The following RUNX1 variants were observed in gnomAD, a reference collection of about 807,000 sequenced individuals.
RUNX1 encodes the protein runt-related transcription factor 1.
Under a neutral mutation model 42.8 loss-of-function variants are expected in RUNX1, and 19 were observed. The ratio of observed to expected loss-of-function variants is 0.44; its 90% CI spans 0.31 to 0.65. The LOEUF is 0.65. RUNX1 is among the 30% of genes least tolerant of loss of function. The pLI, the probability that RUNX1 is intolerant of heterozygous loss-of-function variation, is 0.07. For missense variants in RUNX1, 528 were observed against 672.0 expected (o/e 0.79, Z 2.37); for synonymous variants, 271 against 289.4 (o/e 0.94, Z 0.64).
At chr21:34,898,131 C>T (rs1284063548) in intron 2 of RUNX1, among the ~76,000 whole-genome samples, 2 of 152,204 alleles carry the variant, frequency 1.3e-5, no homozygotes. Context: ...CACTATGCTA[C>T]AGCCCCATGG....
chr21:34,898,712 C>A (rs574885664), intron 2 of RUNX1, among the ~76,000 whole-genome samples: 1 of 152,278 alleles, frequency 6.6e-6, no homozygotes, highest in South Asian at 2.1e-4. Context: ...CTGTGTTTTA[C>A]TCACCTTTAA....
intron 2 of RUNX1, among the ~76,000 whole-genome samples, chr21:35,030,802 A>G (rs1013626810): frequency 1.3e-5 from 2 of 152,242 alleles, no homozygotes; most frequent in African/African-American, 2.4e-5. Flanking sequence ...CAGAAAGGGA[A>G]AGAATACTGG....
chr21:34,830,653 C>T (rs752254804), intron 7 of RUNX1, among the ~76,000 whole-genome samples: 5 of 152,136 alleles, frequency 3.3e-5, no homozygotes, highest in African/African-American at 4.8e-5. Context: ...TCTGGGTTTG[C>T]GTCCAAGTTC....
intron 2 of RUNX1, among the ~76,000 whole-genome samples, chr21:35,002,385 TA>T (rs1342139021): frequency 5.8e-4 from 8 of 13,880 alleles, no homozygotes; most frequent in African/African-American, 2.3e-3. Context: ...CAGCACATTT[TA>T]TTTATTTATT....
At chr21:34,878,357 A>T (rs1179701423) in intron 5 of RUNX1, among the ~76,000 whole-genome samples, 1 of 148,148 alleles carries the variant, frequency 6.8e-6, no homozygotes, top group Non-Finnish European at 1.5e-5. Context: ...AAAAAAAAAA[A>T]AAAATATATA....
At chr21:34,887,680 T>C (rs1024452235) in intron 3 of RUNX1, 28 of 1,072,570 alleles carry the variant, frequency 2.6e-5, no homozygotes, top group Non-Finnish European at 3.1e-5. Flanking sequence ...GTAGTGCTAC[T>C]AATGTATGTG....
In RUNX1 at chr21:35,023,178, A is replaced by G. The variant is rs560818299; in HGVS notation, c.58+25664T>C. On this transcript the variant is annotated intron_variant, in intron 2 of 8. Coordinates refer to ENST00000675419, the MANE Select transcript of RUNX1 (RefSeq NM_001754.5). ...AGTCTGGTCTCAAACTCCTGGGCTCAAGTGACCAGCCCACCTTGGCCTCCC... is the reference window on the plus strand; with the variant it reads ...AGTCTGGTCTCAAACTCCTGGGCTCGAGTGACCAGCCCACCTTGGCCTCCC... Among the ~76,000 whole-genome samples the G allele has an allele frequency of 5.3e-4, 81 of 152,196 alleles. No homozygotes were observed. In the Middle Eastern group the frequency reaches 0.01, roughly 19 times the overall value.
In RUNX1 at chr21:34,901,381, CG is replaced by C. The variant is rs1350495811; in HGVS notation, c.59-8419del. 1.3e-5 allele frequency among the ~76,000 whole-genome samples: 2 copies of C among 151,906 alleles called. No individual in the cohort carries two copies. Among genetic ancestry groups the C allele is most frequent in the African/African-American group, 4.8e-5 (2 of 41,326 alleles). ...AAAAAGTAGCTGGGCGTGGTGGCGG[CG>C]CGTGCCTGTAGTCCCAGCTACTCGA... On this transcript the variant is annotated intron_variant, in intron 2 of 8. Coordinates refer to ENST00000675419, the MANE Select transcript of RUNX1 (RefSeq NM_001754.5). The surrounding 1 kb of genome is among the most constrained non-coding windows in gnomAD (Gnocchi z 4.3).
intron 6 of RUNX1, among the ~76,000 whole-genome samples, chr21:34,839,239 CCCA>C (rs762311648): frequency 7.9e-5 from 12 of 152,106 alleles, no homozygotes; most frequent in Non-Finnish European, 1.8e-4. Flanking sequence ...ACTCTCAACA[CCCA>C]CCGACACACA....
chr21:34,970,682 C>T (rs1180241955), intron 2 of RUNX1, among the ~76,000 whole-genome samples: 2 of 152,190 alleles, frequency 1.3e-5, no homozygotes, highest in African/African-American at 2.4e-5. Context: ...CATCTGCAAA[C>T]TCATTTAATC....
At chr21:34,895,343 G>C (rs1238922550) in intron 2 of RUNX1, among the ~76,000 whole-genome samples, 1 of 152,130 alleles carries the variant, frequency 6.6e-6, no homozygotes, top group Non-Finnish European at 1.5e-5. Flanking sequence ...TCTGTCCCAG[G>C]CAAGGTGCTA....
chr21:34,857,273 C>T (rs1296616784), intron 6 of RUNX1, among the ~76,000 whole-genome samples: 1 of 152,200 alleles, frequency 6.6e-6, no homozygotes, highest in East Asian at 1.9e-4. Context: ...CATATAACAA[C>T]TGTTTTCTTA....
At chr21:34,804,742 C>CTTT (rs58321227) in intron 7 of RUNX1, among the ~76,000 whole-genome samples, 14 of 132,652 alleles carry the variant, frequency 1.1e-4, no homozygotes, top group East Asian at 6.6e-4. Context: ...GAGATGGAAA[C>CTTT]TTTTTTTTTT....
chr21:34,819,271 A>C (rs1412765578), intron 7 of RUNX1, among the ~76,000 whole-genome samples: 1 of 152,236 alleles, frequency 6.6e-6, no homozygotes, highest in Non-Finnish European at 1.5e-5. Flanking sequence ...TGTGGTTCTC[A>C]GACTGCTGAG....
intron 2 of RUNX1, among the ~76,000 whole-genome samples, chr21:35,039,285 A>G (rs1281032483): frequency 6.6e-6 from 1 of 152,190 alleles, no homozygotes; most frequent in Non-Finnish European, 1.5e-5. Flanking sequence ...AGGAGCTGAG[A>G]AGACCTGGTT....
intron 7 of RUNX1, among the ~76,000 whole-genome samples, chr21:34,812,283 G>A (rs1169991439): frequency 1.3e-5 from 2 of 152,166 alleles, no homozygotes; most frequent in Non-Finnish European, 2.9e-5. Context: ...AGGGGAATTT[G>A]TTCACTTAAG....
intron 6 of RUNX1, among the ~76,000 whole-genome samples, chr21:34,845,611 C>A (rs2057303628): frequency 6.6e-6 from 1 of 152,196 alleles, no homozygotes; most frequent in Non-Finnish European, 1.5e-5. Flanking sequence ...TGTGTGAAAG[C>A]AAGACCTCAG....
At chr21:34,933,514 A>G (rs190979528) in intron 2 of RUNX1, among the ~76,000 whole-genome samples, 3 of 152,098 alleles carry the variant, frequency 2.0e-5, no homozygotes, top group Non-Finnish European at 2.9e-5. Context: ...TGTTTTTTTT[A>G]TGACTTCTGG....
intron 2 of RUNX1, among the ~76,000 whole-genome samples, chr21:34,932,582 T>C (rs1016889434): frequency 6.6e-6 from 1 of 152,230 alleles, no homozygotes; most frequent in African/African-American, 2.4e-5. Context: ...CATTATGTGA[T>C]ATCATTTGTG....
Sources: gnomAD v4.1 joint callset for allele counts (sites outside exome capture counted in the v4.1 genomes callset) on GRCh38, gnomAD v4.1.1 for gene constraint, Gnocchi (gnomAD v3.1) non-coding constraint, MANE v1.5 for transcripts, NCBI Gene and HGNC (gene_info 2026-07-23, HGNC 2026-07-21) for gene names.